The following GRM1 variants were observed in gnomAD, a reference collection of about 807,000 sequenced individuals.
The protein encoded by GRM1 is metabotropic glutamate receptor 1.
Under a neutral mutation model 90.9 loss-of-function variants are expected in GRM1, and 33 were observed. That is an observed-to-expected ratio of 0.36 (90% CI 0.28 to 0.49). GRM1 has a LOEUF of 0.49. Among genes scored for constraint, GRM1 ranks in the 20% least tolerant of loss-of-function variants. The pLI, the probability that GRM1 is intolerant of heterozygous loss-of-function variation, is 0.99. For missense variants in GRM1, 1,190 were observed against 1,534.3 expected (o/e 0.78, Z 3.75); for synonymous variants, 700 against 613.2 (o/e 1.14, Z -2.09).
At chr6:146,252,585 G>A (rs1056534469) in intron 2 of GRM1, among the ~76,000 whole-genome samples, 2 of 151,566 alleles carry the variant, frequency 1.3e-5, no homozygotes, top group Non-Finnish European at 2.9e-5. Flanking sequence ...CTGCACTACA[G>A]CCTGGGCGAC....
chr6:146,093,710 C>G (rs920176820), intron 1 of GRM1, among the ~76,000 whole-genome samples: 30 of 152,000 alleles, frequency 2.0e-4, no homozygotes, highest in Non-Finnish European at 3.7e-4. Flanking sequence ...TTCTCCAGCT[C>G]CTTTTCTCAA....
At chr6:146,156,518 A>T (rs9485048) in intron 1 of GRM1, among the ~76,000 whole-genome samples, 16,705 of 152,138 alleles carry the variant, frequency 0.11, 1,858 homozygotes, top group African/African-American at 0.28. Context: ...TGACAAGGGG[A>T]TCCCTTGCCT....
intron 2 of GRM1, among the ~76,000 whole-genome samples, chr6:146,242,828 C>A (rs192638841): frequency 1.8e-3 from 271 of 152,172 alleles, no homozygotes; most frequent in Non-Finnish European, 5.3e-4. Context: ...TACAGCACAC[C>A]AGACATGAGA....
At chr6:146,032,701 A>G (rs1790750684) in intron 1 of GRM1, among the ~76,000 whole-genome samples, 1 of 152,178 alleles carries the variant, frequency 6.6e-6, no homozygotes, top group Admixed American at 6.5e-5. Flanking sequence ...GGGCTTAGAA[A>G]TTCTGGGGCC....
chr6:146,180,732 T>G (rs1436227323), intron 2 of GRM1, among the ~76,000 whole-genome samples: 1 of 152,178 alleles, frequency 6.6e-6, no homozygotes, highest in African/African-American at 2.4e-5. Context: ...CATAGGACTT[T>G]CATTAGCTTC....
intron 3 of GRM1, among the ~76,000 whole-genome samples, chr6:146,336,625 G>A (rs1240950563): frequency 6.6e-6 from 1 of 152,174 alleles, no homozygotes; most frequent in Non-Finnish European, 1.5e-5. Flanking sequence ...TTGAAAAGGT[G>A]GTCTAGGCTG....
Position 146,399,736 on chromosome 6 carries a change from C to T in GRM1, c.2660+37C>T. On this transcript the variant is annotated intron_variant, in intron 7 of 7. Transcript: ENST00000282753. The surrounding 1 kb of genome is among the most constrained non-coding windows in gnomAD (Gnocchi z 5.4). ...GACCTGTTTGTCTCTCTTTTCTCTT[C>T]CTTTCTCTGTCTCTTTCTCTCTCTC... 5 of 1,355,276 alleles carry T rather than the reference C, an allele frequency of 3.7e-6. No homozygotes were observed. Among genetic ancestry groups the T allele is most frequent in the African/African-American group, 1.5e-5 (1 of 68,610 alleles). The allele number at this position is 1,355,276 out of a possible 1,614,324, so 84.0% of individuals were successfully genotyped here. A position where few individuals can be genotyped will look rare whatever the true frequency, so the allele number is the denominator to read the frequency against.
chr6:146,417,996 A>G (rs1562685949), intron 7 of GRM1, among the ~76,000 whole-genome samples: 1 of 152,112 alleles, frequency 6.6e-6, no homozygotes, highest in Non-Finnish European at 1.5e-5. Flanking sequence ...CTTTCTCATT[A>G]GAAAAGATGC....
At chr6:146,275,519 G>A (rs976773223) in intron 2 of GRM1, among the ~76,000 whole-genome samples, 5 of 150,562 alleles carry the variant, frequency 3.3e-5, no homozygotes, top group Non-Finnish European at 5.9e-5. Context: ...TCTCTCTCTC[G>A]CTCTCTGTCT....
Position 146,304,861 on chromosome 6 carries a change from C to T in GRM1, c.1186+15C>T, listed in dbSNP as rs556515880. On this transcript the variant is annotated intron_variant, in intron 3 of 7. Transcript: ENST00000282753. Reference sequence around the variant, plus strand: ...AATCTGCACAGGTAACTCATGTTCACAAAATAACAACTCAGAGGTTTGGTC... The same window carrying T: ...AATCTGCACAGGTAACTCATGTTCATAAAATAACAACTCAGAGGTTTGGTC... 5 of 1,509,802 alleles carry T rather than the reference C, an allele frequency of 3.3e-6. No individual in the cohort carries two copies. The highest frequency in any genetic ancestry group is 4.6e-6 in the Non-Finnish European group (5 of 1,084,992). The allele number at this position is 1,509,802 out of a possible 1,614,324, so 93.5% of individuals were successfully genotyped here.
chr6:146,431,178 T>C (rs571503148), intron 7 of GRM1, among the ~76,000 whole-genome samples: 3 of 152,166 alleles, frequency 2.0e-5, no homozygotes, highest in Non-Finnish European at 4.4e-5. Flanking sequence ...TGCCCTGAGG[T>C]GTGAGATCTG....
intron 5 of GRM1, 95 bp downstream of exon 5, chr6:146,357,789 T>G: frequency 9.8e-7 from 1 of 1,016,226 alleles, no homozygotes; most frequent in Non-Finnish European, 1.5e-6. Context: ...AAAACATAAC[T>G]GTCTAGAAAG....
At chr6:146,429,506 C>T (rs563923589) in intron 7 of GRM1, among the ~76,000 whole-genome samples, 4 of 152,254 alleles carry the variant, frequency 2.6e-5, no homozygotes, top group Non-Finnish European at 5.9e-5. Context: ...TCAAATAGTT[C>T]CTAGGCCTGA....
chr6:146,267,242 T>C (rs1314914993), intron 2 of GRM1, among the ~76,000 whole-genome samples: 2 of 152,228 alleles, frequency 1.3e-5, no homozygotes, highest in Non-Finnish European at 2.9e-5. Flanking sequence ...GGCTGCATAA[T>C]ATTCCATGGT....
At chr6:146,394,082 C>G (rs1316184098) in intron 6 of GRM1, among the ~76,000 whole-genome samples, 1 of 152,100 alleles carries the variant, frequency 6.6e-6, no homozygotes, top group African/African-American at 2.4e-5. Flanking sequence ...TGAAACTGAA[C>G]CTCTTCCTTA....
At position 146,203,192 on chromosome 6, in the gene GRM1, A is replaced by AAAATAAATAAAT. The variant is rs60263974; in HGVS notation, c.950+43636_950+43647dup. On this transcript the variant is annotated intron_variant, in intron 2 of 7. Transcript: ENST00000282753. ...CTGGGGGACAGAGAGACTCCGTCTC[A>AAAATAAATAAAT]AAATAAATAAATAAATAAATAAATA... Among the ~76,000 whole-genome samples the AAAATAAATAAAT allele has an allele frequency of 4.7e-3, 668 of 141,774 alleles. 3 individuals carry two copies. Among genetic ancestry groups the AAAATAAATAAAT allele is most frequent in the East Asian group, 7.6e-3 (36 of 4,738 alleles). The allele number at this position is 141,774 out of a possible 152,430, so 93.0% of individuals were successfully genotyped here.
At position 146,297,867 on chromosome 6, in the gene GRM1, G is replaced by A. The variant is rs1783237430; in HGVS notation, c.951-6744G>A. ...CACTGCTGACTATTCTGCTACCATGGTCTTTAGATGCTCATTTCTTAGTCT... is the reference window on the plus strand; with the variant it reads ...CACTGCTGACTATTCTGCTACCATGATCTTTAGATGCTCATTTCTTAGTCT... On this transcript the variant is annotated intron_variant, in intron 2 of 7. Coordinates refer to ENST00000282753, the MANE Select transcript of GRM1 (RefSeq NM_001278064.2). 3.3e-5 allele frequency among the ~76,000 whole-genome samples: 5 copies of A among 152,162 alleles called. 1 individual carries two copies. The South Asian group carries it at 1.0e-3, about 32-fold the overall frequency.
chr6:146,032,328 C>T (rs1251812401), intron 1 of GRM1, among the ~76,000 whole-genome samples: 1 of 152,068 alleles, frequency 6.6e-6, no homozygotes. Context: ...TTCACCTTGC[C>T]ATTCATATAT....
chr6:146,065,593 A>G (rs1279599125), intron 1 of GRM1, among the ~76,000 whole-genome samples: 4 of 152,202 alleles, frequency 2.6e-5, no homozygotes, highest in Non-Finnish European at 4.4e-5. Context: ...GGTACCCTAT[A>G]TAAACTACAT....
Sources: allele counts gnomAD v4.1 joint callset (sites outside exome capture counted in the v4.1 genomes callset), GRCh38; gene constraint gnomAD v4.1.1; non-coding constraint Gnocchi (gnomAD v3.1); transcripts MANE v1.5; gene names NCBI Gene and HGNC (gene_info 2026-07-23, HGNC 2026-07-21).